Variants in FAM13C observed in about 807,000 individuals in gnomAD.
FAM13C encodes the protein protein FAM13C.
A neutral mutation model predicts 73.2 loss-of-function variants in FAM13C; 37 were observed. The observed-to-expected ratio is 0.51, with a 90% CI of 0.39 to 0.67. FAM13C has a LOEUF of 0.67. FAM13C is among the 30% of genes least tolerant of loss of function. FAM13C has a pLI of 0.00. For synonymous variants in FAM13C, 246 were observed against 260.9 expected (o/e 0.94, Z 0.55); for missense variants, 589 against 715.6 (o/e 0.82, Z 2.02).
intron 4 of FAM13C, among the ~76,000 whole-genome samples, chr10:59,307,347 G>A (rs1261995236): frequency 2.0e-5 from 3 of 152,148 alleles, no homozygotes; most frequent in Non-Finnish European, 2.9e-5. Context: ...AAGCTTCTCA[G>A]TATGTATGTT....
intron 5 of FAM13C, among the ~76,000 whole-genome samples, chr10:59,298,551 GT>G (rs1446736656): frequency 1.3e-5 from 2 of 152,096 alleles, no homozygotes; most frequent in Non-Finnish European, 2.9e-5. Context: ...AAGGCCCATG[GT>G]GACCCAGAGC....
chr10:59,283,084 G>T (rs1329815344), intron 6 of FAM13C, among the ~76,000 whole-genome samples: 1 of 152,188 alleles, frequency 6.6e-6, no homozygotes, highest in African/African-American at 2.4e-5. Context: ...ATGGGAAAAT[G>T]AAGACTAGAT....
rs546046319 is a variant in FAM13C at position 59,286,972 on chromosome 10, T to C, written c.508-3525A>G. On this transcript the variant is annotated intron_variant, in intron 5 of 13. Coordinates refer to ENST00000618804, the MANE Select transcript of FAM13C (RefSeq NM_198215.4). ...TCGCTTGAACCCAGGAGGTGGAGGA[T>C]GCAGTGAGCCAAGATCGCACCATTG... 6.2e-4 allele frequency among the ~76,000 whole-genome samples: 87 copies of C among 140,618 alleles called. 1 individual carries two copies. The South Asian group carries it at 0.019, about 30-fold the overall frequency. 92.3% of individuals were successfully genotyped at this position (140,618 alleles called of 152,430 possible). A position where few individuals can be genotyped will look rare whatever the true frequency, so the allele number is the denominator to read the frequency against.
intron 2 of FAM13C, among the ~76,000 whole-genome samples, chr10:59,354,494 C>G (rs558893669): frequency 6.6e-6 from 1 of 152,322 alleles, no homozygotes. Context: ...AAAAGATCCT[C>G]CCACTTATTA....
intron 6 of FAM13C, among the ~76,000 whole-genome samples, chr10:59,280,030 G>A (rs1844758493): frequency 6.6e-6 from 1 of 152,080 alleles, no homozygotes; most frequent in Non-Finnish European, 1.5e-5. Flanking sequence ...CTAATCCCAT[G>A]GCTTAATCAC....
chr10:59,254,159 A>C (rs890357168), intron 11 of FAM13C, 189 bp downstream of exon 11: 1 of 401,436 alleles, frequency 2.5e-6, no homozygotes, highest in Admixed American at 4.4e-5. Flanking sequence ...CAATAGTTCT[A>C]ATATCAGCCA....
At chr10:59,284,031 A>ATG (rs6143934) in intron 5 of FAM13C, among the ~76,000 whole-genome samples, 2,441 of 149,084 alleles carry the variant, frequency 0.016, 45 homozygotes, top group African/African-American at 0.035. Flanking sequence ...ATGCTGGGGT[A>ATG]TGTGTGTGTG....
rs529995894 is a variant in FAM13C, at chr10:59,327,662, G to A, written c.325-3556C>T. The A allele has an allele frequency of 2.7e-5, 4 of 149,092 alleles. No homozygotes were observed. The South Asian group carries it at 6.3e-4, about 23-fold the overall frequency. The allele number at this position is 149,092 out of a possible 1,614,324, so 9.2% of individuals were successfully genotyped here. On this transcript the variant is annotated intron_variant, in intron 3 of 13. Transcript: ENST00000618804. The stretch of plus-strand genomic sequence containing the variant: ...AAGCTTCATCACTCTGTTTAGAATC[G>A]GCTGTAACATTCGGCTCAAAAATTG...
At chr10:59,341,413 C>A (rs983649883) in intron 3 of FAM13C, among the ~76,000 whole-genome samples, 3 of 152,154 alleles carry the variant, frequency 2.0e-5, no homozygotes, top group Admixed American at 2.0e-4. Context: ...CCTGGCCAGG[C>A]GCAGTGGCTC....
intron 11 of FAM13C, 101 bp downstream of exon 11, chr10:59,254,247 A>G: frequency 1.4e-6 from 1 of 729,954 alleles, no homozygotes; most frequent in Non-Finnish European, 2.1e-6. Flanking sequence ...TTTGCAGTAT[A>G]TACTGCCATG....
At chr10:59,292,668 T>C (rs1310298728) in intron 5 of FAM13C, among the ~76,000 whole-genome samples, 1 of 152,252 alleles carries the variant, frequency 6.6e-6, no homozygotes, top group Non-Finnish European at 1.5e-5. Context: ...TTGGAAAGCA[T>C]GGCCATTTCC....
chr10:59,334,316 G>C (rs1021552132), intron 3 of FAM13C, among the ~76,000 whole-genome samples: 1 of 152,140 alleles, frequency 6.6e-6, no homozygotes, highest in African/African-American at 2.4e-5. Flanking sequence ...GATATCTAAA[G>C]AGAATAGACA....
intron 10 of FAM13C, among the ~76,000 whole-genome samples, chr10:59,259,481 A>C (rs1353089221): frequency 6.6e-6 from 1 of 152,180 alleles, no homozygotes; most frequent in Admixed American, 6.5e-5. Context: ...ATGGGAATAC[A>C]AAGTTTTCTC....
chr10:59,325,630 A>C (rs894018972), intron 3 of FAM13C, among the ~76,000 whole-genome samples: 2 of 152,080 alleles, frequency 1.3e-5, no homozygotes, highest in African/African-American at 4.8e-5. Flanking sequence ...TCAGTGTATG[A>C]CCTTGGCCAA....
At chr10:59,257,796 T>A (rs961501022) in intron 10 of FAM13C, among the ~76,000 whole-genome samples, 1 of 152,206 alleles carries the variant, frequency 6.6e-6, no homozygotes, top group African/African-American at 2.4e-5. Context: ...AGATTAATAT[T>A]TGTCTTGAAA....
chr10:59,284,439 G>A (rs1406748573), intron 5 of FAM13C, among the ~76,000 whole-genome samples: 1 of 151,630 alleles, frequency 6.6e-6, no homozygotes, highest in Non-Finnish European at 1.5e-5. Flanking sequence ...AGAGCCACTG[G>A]TCCTTTCCCT....
In FAM13C at chr10:59,262,445, C is replaced by A. The variant is rs1477506515; in HGVS notation, c.1225G>T (p.Glu409Ter). ...ACATGGTGATGTACCTTAGAATCCT[C>A]CTGGGGAGGAAGTTGCTCTCTTCTC... ...KERREQLPPQ[E>*]DSKVTKQDKN... Residue 409 changes from glutamate to a stop codon, truncating the protein, a stop_gained, in exon 10 of 14, where the codon GAG becomes TAG. Transcript: ENST00000618804. LOFTEE classifies it high-confidence loss of function. The A allele has an allele frequency of 6.2e-7, 1 of 1,613,406 alleles. No homozygotes were observed. The highest frequency in any genetic ancestry group is 8.5e-7 in the Non-Finnish European group (1 of 1,179,688).
At chr10:59,297,813 A>G (rs1254257424) in intron 5 of FAM13C, among the ~76,000 whole-genome samples, 1 of 152,152 alleles carries the variant, frequency 6.6e-6, no homozygotes, top group Non-Finnish European at 1.5e-5. Flanking sequence ...ATGTTCCTAC[A>G]GTGAGTCATC....
chr10:59,299,741 A>T (rs1847340579), intron 5 of FAM13C, among the ~76,000 whole-genome samples: 1 of 152,152 alleles, frequency 6.6e-6, no homozygotes, highest in African/African-American at 2.4e-5. Context: ...AGACACTGAC[A>T]GATCTCAAGT....
Sources: gnomAD v4.1 joint callset for allele counts (sites outside exome capture counted in the v4.1 genomes callset) on GRCh38, gnomAD v4.1.1 for gene constraint, MANE v1.5 for transcripts, NCBI Gene and HGNC (gene_info 2026-07-23, HGNC 2026-07-21) for gene names.